Variants in WDFY2 observed in about 807,000 individuals in gnomAD.
WDFY2 encodes WD repeat and FYVE domain containing 2, also known as WD repeat and FYVE domain-containing protein 2.
WDFY2 carries 36 observed loss-of-function variants against 56.4 expected under a neutral mutation model. That is an observed-to-expected ratio of 0.64 (90% CI 0.49 to 0.84). WDFY2 has a LOEUF of 0.84. Among genes scored for constraint, WDFY2 ranks in the 40% least tolerant of loss-of-function variants. The pLI is 0.00. For synonymous variants in WDFY2, 176 were observed against 183.7 expected, an observed-to-expected ratio of 0.96 and a Z score of 0.34; for missense variants, 444 against 512.2, an observed-to-expected ratio of 0.87 and a Z score of 1.29.
In WDFY2 at chr13:51,760,100, T is replaced by G; in HGVS notation, c.*331T>G. 1 of 230,644 alleles carries G rather than the reference T, an allele frequency of 4.3e-6. No homozygotes were observed. Among genetic ancestry groups the G allele is most frequent in the Non-Finnish European group, 8.5e-6 (1 of 118,320 alleles). 14.3% of individuals were successfully genotyped at this position (230,644 alleles called of 1,614,324 possible). ...CTTTTCAACACCCCATTTTACTTGT[T>G]GCTTTGTCAGAGAAATAAGGGAGGT... On this transcript the variant is annotated 3_prime_UTR_variant, in exon 12 of 12. Transcript: ENST00000298125.
intron 1 of WDFY2, chr13:51,592,006 G>C (rs1223665655): frequency 7.2e-6 from 1 of 138,674 alleles, no homozygotes; most frequent in Non-Finnish European, 1.6e-5. Context: ...TTGGGGGGAG[G>C]GGGGAGGGAT....
chr13:51,587,968 A>G (rs936784178), intron 1 of WDFY2: 5 of 152,232 alleles, frequency 3.3e-5, no homozygotes, highest in Non-Finnish European at 4.4e-5. Flanking sequence ...AACTTTACTC[A>G]GTATTAATGG....
intron 2 of WDFY2, among the ~76,000 whole-genome samples, chr13:51,673,990 A>G (rs1463690949): frequency 6.6e-6 from 1 of 152,166 alleles, no homozygotes; most frequent in Admixed American, 6.5e-5. Flanking sequence ...TAAAGAATGA[A>G]AAATATGTTA....
At chr13:51,758,132 A>T (rs1385461090) in intron 10 of WDFY2, 60 bp from the exon 11 acceptor site, 34 of 1,279,578 alleles carry the variant, frequency 2.7e-5, no homozygotes, top group Non-Finnish European at 3.6e-5. Flanking sequence ...GTCATCCTAG[A>T]TCTCTCTCAT....
At chr13:51,598,255 G>T (rs9563065) in intron 1 of WDFY2, among the ~76,000 whole-genome samples, 13,348 of 152,050 alleles carry the variant, frequency 0.088, 851 homozygotes, top group East Asian at 0.29. Flanking sequence ...AGCTACTCGG[G>T]GGCTGGGGCA....
intron 7 of WDFY2, 79 bp from the exon 8 acceptor site, chr13:51,751,231 C>T (rs1457483643): frequency 8.4e-6 from 12 of 1,425,846 alleles, no homozygotes; most frequent in South Asian, 6.5e-5. Flanking sequence ...AGCACATTGG[C>T]TGACTTTGCC....
In WDFY2 at chr13:51,766,633, G is replaced by C. The variant is rs1953758989; in HGVS notation, c.*6864G>C. On this transcript the variant is annotated 3_prime_UTR_variant, in exon 12 of 12. Transcript: ENST00000298125. Reference sequence around the variant, plus strand: ...TAGGATATTGAAACATCTGTATCCAGGCCCCCAATCAAATGCTGCTGAATA... The same window carrying C: ...TAGGATATTGAAACATCTGTATCCACGCCCCCAATCAAATGCTGCTGAATA... 4 of 152,210 alleles carry C rather than the reference G, an allele frequency of 2.6e-5. No homozygotes were observed. The South Asian group carries it at 8.3e-4, about 32-fold the overall frequency. The allele number at this position is 152,210 out of a possible 1,614,324, so 9.4% of individuals were successfully genotyped here. A position where few individuals can be genotyped will look rare whatever the true frequency, so the allele number is the denominator to read the frequency against.
chr13:51,693,031 G>A (rs1270264262), intron 3 of WDFY2, among the ~76,000 whole-genome samples: 27 of 151,986 alleles, frequency 1.8e-4, no homozygotes, highest in African/African-American at 3.6e-4. Context: ...CTGTGGGATT[G>A]GTGGTGATAT....
intron 7 of WDFY2, among the ~76,000 whole-genome samples, chr13:51,747,120 T>C (rs562572894): frequency 1.3e-5 from 2 of 152,386 alleles, no homozygotes; most frequent in East Asian, 3.8e-4. Flanking sequence ...CTGTCCTTTA[T>C]TGAAGTCACA....
chr13:51,617,537 TC>T (rs899017053), intron 1 of WDFY2, among the ~76,000 whole-genome samples: 13 of 152,146 alleles, frequency 8.5e-5, no homozygotes, highest in Admixed American at 7.9e-4. Flanking sequence ...TATCTTCTTT[TC>T]CCCCATAATC....
At chr13:51,664,132 G>A (rs1955660579) in intron 2 of WDFY2, among the ~76,000 whole-genome samples, 1 of 152,188 alleles carries the variant, frequency 6.6e-6, no homozygotes, top group Non-Finnish European at 1.5e-5. Flanking sequence ...AGCTTAAAAG[G>A]CAGAGTGTGA....
intron 1 of WDFY2, chr13:51,586,215 T>C (rs988445097): frequency 2.5e-6 from 1 of 395,812 alleles, no homozygotes; most frequent in Non-Finnish European, 4.4e-6. Flanking sequence ...ACCTAGAAAT[T>C]CTTTGGCACA....
chr13:51,651,655 G>C (rs1028320312), intron 1 of WDFY2, among the ~76,000 whole-genome samples: 1 of 152,122 alleles, frequency 6.6e-6, no homozygotes, highest in African/African-American at 2.4e-5. Context: ...CTTTATTTCT[G>C]CCTTGATTTT....
At chr13:51,733,550 G>A (rs1952770065) in intron 6 of WDFY2, among the ~76,000 whole-genome samples, 1 of 152,206 alleles carries the variant, frequency 6.6e-6, no homozygotes, top group Admixed American at 6.5e-5. Flanking sequence ...GACATGGTTT[G>A]CATTTTAATA....
At chr13:51,588,508 TAAC>T (rs1195161316) in intron 1 of WDFY2, 2 of 152,252 alleles carry the variant, frequency 1.3e-5, no homozygotes, top group Non-Finnish European at 2.9e-5. Context: ...TCCTAGGAGT[TAAC>T]AACAGGTACA....
chr13:51,749,025 A>C (rs540091366), intron 7 of WDFY2, among the ~76,000 whole-genome samples: 4 of 152,232 alleles, frequency 2.6e-5, no homozygotes, highest in African/African-American at 4.8e-5. Context: ...TGATAAATGC[A>C]GAAAGATGAT....
At chr13:51,726,703 C>A (rs995034575) in intron 5 of WDFY2, among the ~76,000 whole-genome samples, 2 of 152,224 alleles carry the variant, frequency 1.3e-5, no homozygotes, top group African/African-American at 4.8e-5. Flanking sequence ...ATGCCAACTT[C>A]GTAAGCCGAC....
At chr13:51,705,570 TG>T (rs1304328443) in intron 4 of WDFY2, among the ~76,000 whole-genome samples, 1 of 151,608 alleles carries the variant, frequency 6.6e-6, no homozygotes, top group East Asian at 1.9e-4. Flanking sequence ...TTTTTTTCTT[TG>T]TTTTTTTTTT....
In WDFY2 at chr13:51,759,849, GCAGAC is replaced by G; in HGVS notation, c.*81_*85del. ...CCCAAATCATTACCAGAGTGGTAAA[GCAGAC>G]ATGTGAGAAGTAAGAAAGAAACTAA... On this transcript the variant is annotated 3_prime_UTR_variant, in exon 12 of 12. Coordinates refer to ENST00000298125, the MANE Select transcript of WDFY2 (RefSeq NM_052950.4). The G allele has an allele frequency of 2.1e-6, 3 of 1,457,874 alleles. No homozygotes were observed. The highest frequency in any genetic ancestry group is 2.9e-6 in the Non-Finnish European group (3 of 1,047,076). 90.3% of individuals were successfully genotyped at this position (1,457,874 alleles called of 1,614,324 possible).
Sources: allele counts gnomAD v4.1 joint callset (sites outside exome capture counted in the v4.1 genomes callset), GRCh38; gene constraint gnomAD v4.1.1; transcripts MANE v1.5; gene names NCBI Gene and HGNC (gene_info 2026-07-23, HGNC 2026-07-21).